SOX6: variants seen among roughly 807,000 people sequenced by gnomAD.
SOX6 encodes SRY-box transcription factor 6, also known as transcription factor SOX-6.
Under a neutral mutation model 97.8 loss-of-function variants are expected in SOX6, and 11 were observed. That is an observed-to-expected ratio of 0.11 (90% confidence interval 0.07 to 0.19). The LOEUF is 0.19. Ranked by LOEUF, SOX6 falls within the 10% of genes least tolerant of loss-of-function variation. The pLI is 1.00. For missense variants in SOX6, 810 were observed against 1,039.5 expected (o/e 0.78, Z 3.04); for synonymous variants, 360 against 371.4 (o/e 0.97, Z 0.35).
At chr11:16,229,309 C>T (rs1852779881) in intron 4 of SOX6, among the ~76,000 whole-genome samples, 1 of 151,394 alleles carries the variant, frequency 6.6e-6, no homozygotes, top group African/African-American at 2.4e-5. Context: ...ATATTCATAG[C>T]CAAAAGTACC....
chr11:16,150,587 C>T (rs987922859), intron 6 of SOX6, among the ~76,000 whole-genome samples: 3 of 152,142 alleles, frequency 2.0e-5, no homozygotes, highest in Non-Finnish European at 4.4e-5. Context: ...TTCTGTCTCT[C>T]GGGCTGAAAG....
At chr11:16,703,789 T>C (rs1312576305) in intron 3 of SOX6, among the ~76,000 whole-genome samples, 2 of 152,206 alleles carry the variant, frequency 1.3e-5, no homozygotes, top group Non-Finnish European at 2.9e-5. Flanking sequence ...GAATTTGTAT[T>C]TCTCTTAATA....
At chr11:16,698,888 A>G (rs866104750) in intron 3 of SOX6, among the ~76,000 whole-genome samples, 1 of 152,220 alleles carries the variant, frequency 6.6e-6, no homozygotes, top group Non-Finnish European at 1.5e-5. Context: ...AACATCAAAA[A>G]TCACTGACCA....
chr11:16,184,548 T>G (rs1231973150), intron 5 of SOX6, among the ~76,000 whole-genome samples: 1 of 152,172 alleles, frequency 6.6e-6, no homozygotes. Context: ...CATTTATCCA[T>G]TTATCCTTTT....
chr11:16,394,814 TG>T (rs1858296539), intron 1 of SOX6, among the ~76,000 whole-genome samples: 1 of 151,812 alleles, frequency 6.6e-6, no homozygotes, highest in African/African-American at 2.4e-5. Context: ...TTATAGCCAC[TG>T]GGGCTGCTCC....
intron 4 of SOX6, among the ~76,000 whole-genome samples, chr11:16,197,142 C>T (rs1321435116): frequency 6.6e-6 from 1 of 152,006 alleles, no homozygotes; most frequent in Non-Finnish European, 1.5e-5. Context: ...CATCCTCTGG[C>T]TTTTTAGTGC....
intron 6 of SOX6, among the ~76,000 whole-genome samples, chr11:16,166,176 A>C (rs1237587767): frequency 6.6e-6 from 1 of 152,112 alleles, no homozygotes; most frequent in Admixed American, 6.6e-5. Context: ...TTTTTAATGA[A>C]CCAACTATGG....
chr11:16,522,137 A>G (rs1314787497), intron 4 of SOX6, among the ~76,000 whole-genome samples: 1 of 152,154 alleles, frequency 6.6e-6, no homozygotes, highest in African/African-American at 2.4e-5. Flanking sequence ...GAACGCCACA[A>G]AGATACTCCT....
At chr11:16,253,780 GA>G (rs1391691738) in intron 3 of SOX6, among the ~76,000 whole-genome samples, 2 of 151,966 alleles carry the variant, frequency 1.3e-5, no homozygotes, top group East Asian at 3.9e-4. Context: ...AAGAAAAAGA[GA>G]AAGGAACAGA....
At chr11:16,498,969 T>C (rs1860656397) in intron 4 of SOX6, among the ~76,000 whole-genome samples, 1 of 152,136 alleles carries the variant, frequency 6.6e-6, no homozygotes, top group Non-Finnish European at 1.5e-5. Flanking sequence ...TTAATAGACA[T>C]CTACAGAACT....
chr11:16,641,599 G>C (rs1564856246), intron 3 of SOX6, among the ~76,000 whole-genome samples: 1 of 152,172 alleles, frequency 6.6e-6, no homozygotes, highest in Non-Finnish European at 1.5e-5. Context: ...CCTGTATTGG[G>C]TGCATATATA....
chr11:16,007,367 C>A (rs942076510), intron 13 of SOX6, among the ~76,000 whole-genome samples: 3 of 151,980 alleles, frequency 2.0e-5, no homozygotes, highest in African/African-American at 7.2e-5. Context: ...CTTATAGGAC[C>A]ACCATCATAT....
chr11:16,117,802 G>A (rs949260539), intron 6 of SOX6, among the ~76,000 whole-genome samples: 9 of 152,034 alleles, frequency 5.9e-5, no homozygotes, highest in Admixed American at 3.3e-4. Context: ...CCATCATCCC[G>A]TTTTCCCATT....
chr11:16,300,709 TG>T lies in SOX6; in HGVS notation c.445+17736del, dbSNP rs1056983850. Among the ~76,000 whole-genome samples, 2 of 152,174 alleles carry T rather than the reference TG, an allele frequency of 1.3e-5. No individual in the cohort carries two copies. The highest frequency in any genetic ancestry group is 4.8e-5 in the African/African-American group (2 of 41,452). ...ACTGAAGTTCATCACCAGAGAAACC[TG>T]CGGCTGTTCACCTTAACAACTAGGA... On this transcript the variant is annotated intron_variant, in intron 3 of 15. Transcript: ENST00000683767. This position sits in a 1 kb window ranked among gnomAD's most constrained non-coding sequence, Gnocchi z 4.1.
At chr11:16,195,935 AG>A (rs1397909132) in intron 4 of SOX6, among the ~76,000 whole-genome samples, 1 of 152,176 alleles carries the variant, frequency 6.6e-6, no homozygotes, top group African/African-American at 2.4e-5. Context: ...GGAGAAGTCT[AG>A]GAAGTGAGTC....
chr11:16,085,174 A>C (rs1011921719), intron 9 of SOX6, among the ~76,000 whole-genome samples: 1 of 152,146 alleles, frequency 6.6e-6, no homozygotes, highest in Admixed American at 6.5e-5. Flanking sequence ...GGATGTTCTG[A>C]GCAGGTGAAC....
At chr11:16,219,500 T>C (rs910168454) in intron 4 of SOX6, among the ~76,000 whole-genome samples, 24 of 152,022 alleles carry the variant, frequency 1.6e-4, no homozygotes, top group African/African-American at 5.6e-4. Context: ...ATGCAGACAT[T>C]TGGATTGAAA....
chr11:16,683,438 A>G (rs1388862499), intron 3 of SOX6, among the ~76,000 whole-genome samples: 1 of 152,192 alleles, frequency 6.6e-6, no homozygotes, highest in Non-Finnish European at 1.5e-5. Flanking sequence ...CCACACATCT[A>G]CAACCATCTG....
chr11:16,052,528 GT>G (rs1847711585), intron 10 of SOX6, among the ~76,000 whole-genome samples: 1 of 151,984 alleles, frequency 6.6e-6, no homozygotes, highest in Admixed American at 6.5e-5. Context: ...TATAATAGTT[GT>G]TTTTACTTTC....
Sources: gnomAD v4.1 joint callset for allele counts (sites outside exome capture counted in the v4.1 genomes callset) on GRCh38, gnomAD v4.1.1 for gene constraint, Gnocchi (gnomAD v3.1) non-coding constraint, MANE v1.5 for transcripts, NCBI Gene and HGNC (gene_info 2026-07-23, HGNC 2026-07-21) for gene names.